WHRN: variants seen among roughly 807,000 people sequenced by gnomAD.
WHRN encodes the protein CASK-interacting protein CIP98.
A neutral mutation model predicts 68.3 loss-of-function variants in WHRN; 41 were observed. That is an observed-to-expected ratio of 0.60 (90% CI 0.47 to 0.78). The LOEUF is 0.78. WHRN is among the 30% of genes least tolerant of loss of function. WHRN has a pLI of 0.00. For synonymous variants in WHRN, 560 were observed against 561.3 expected (o/e 1.00, Z 0.03); for missense variants, 1,243 against 1,244.7 (o/e 1.00, Z 0.02).
intron 3 of WHRN, among the ~76,000 whole-genome samples, chr9:114,431,810 C>T (rs1424535348): frequency 6.6e-6 from 1 of 152,170 alleles, no homozygotes; most frequent in Admixed American, 6.5e-5. Flanking sequence ...TCCAAGGCGT[C>T]TCTTATAGAT....
intron 7 of WHRN, among the ~76,000 whole-genome samples, chr9:114,415,822 G>A (rs1589085288): frequency 6.6e-6 from 1 of 152,150 alleles, no homozygotes; most frequent in East Asian, 1.9e-4. Context: ...GATGGAGAAC[G>A]ATTCTCTAAA....
At chr9:114,447,615 C>T (rs1419152022) in intron 3 of WHRN, among the ~76,000 whole-genome samples, 1 of 152,074 alleles carries the variant, frequency 6.6e-6, no homozygotes, top group Non-Finnish European at 1.5e-5. Flanking sequence ...GTCCATGGAC[C>T]AACTGTGCTG....
chr9:114,424,916 C>T, intron 5 of WHRN, 72 bp downstream of exon 5: 1 of 1,533,858 alleles, frequency 6.5e-7, no homozygotes, highest in Non-Finnish European at 9.0e-7. Flanking sequence ...ACTCGGCACC[C>T]TCTGGCTGGC....
At chr9:114,483,180 T>G (rs900995266) in intron 1 of WHRN, among the ~76,000 whole-genome samples, 4 of 152,210 alleles carry the variant, frequency 2.6e-5, no homozygotes, top group Non-Finnish European at 5.9e-5. Context: ...CCTCTACTGC[T>G]TTTTTATATT....
chr9:114,472,894 T>C (rs1219272350), intron 2 of WHRN, among the ~76,000 whole-genome samples: 4 of 152,218 alleles, frequency 2.6e-5, no homozygotes, highest in Non-Finnish European at 5.9e-5. Flanking sequence ...CCTCCAATCA[T>C]GGATGCGGAA....
Position 114,406,501 on chromosome 9 carries a change from G to A in WHRN, c.2090C>T (p.Thr697Ile), listed in dbSNP as rs1243128219. ...PHLKSPSAEA[T>I]VAGGCLLPPS... ...GGGCAGAAGGCAGCCCCCAGCCACT[G>A]TGGCCTCTGCAGAGGGGCTTTTCAG... Residue 697 changes from threonine to isoleucine, a missense_variant, in exon 9 of 12, where the codon ACA becomes ATA. Thr to Ile is a moderately conservative substitution (Grantham distance 89, BLOSUM62 -1). Coordinates refer to ENST00000362057, the MANE Select transcript of WHRN (RefSeq NM_015404.4). The A allele has an allele frequency of 1.9e-6, 3 of 1,614,046 alleles. No homozygotes were observed. Among genetic ancestry groups the A allele is most frequent in the East Asian group, 4.5e-5 (2 of 44,894 alleles).
At chr9:114,473,307 G>C (rs10982237) in intron 2 of WHRN, among the ~76,000 whole-genome samples, 13,127 of 152,254 alleles carry the variant, frequency 0.086, 853 homozygotes, top group East Asian at 0.34. Flanking sequence ...TGCTGACCAA[G>C]ATGACTGGTG....
chr9:114,461,045 C>T (rs1417166425), intron 3 of WHRN, among the ~76,000 whole-genome samples: 1 of 152,066 alleles, frequency 6.6e-6, no homozygotes, highest in Non-Finnish European at 1.5e-5. Flanking sequence ...TGCTTTACTG[C>T]GGAGGGGATT....
At chr9:114,458,719 T>C (rs1187365233) in intron 3 of WHRN, among the ~76,000 whole-genome samples, 1 of 151,998 alleles carries the variant, frequency 6.6e-6, no homozygotes, top group Non-Finnish European at 1.5e-5. Flanking sequence ...AGCACCTAGA[T>C]CTGTGTCTGC....
At chr9:114,486,932 GTGTGTGTGT>G (rs1220745107) in intron 1 of WHRN, among the ~76,000 whole-genome samples, 12 of 64,094 alleles carry the variant, frequency 1.9e-4, no homozygotes, top group African/African-American at 4.9e-4. Flanking sequence ...TGTAGAGTGT[GTGTGTGTGT>G]TGTGTGTGTG....
intron 6 of WHRN, among the ~76,000 whole-genome samples, chr9:114,423,976 C>T (rs1836558455): frequency 2.6e-5 from 4 of 152,218 alleles, no homozygotes; most frequent in Admixed American, 2.6e-4. Context: ...TGGCACAGCA[C>T]AGTCACCTGG....
intron 7 of WHRN, among the ~76,000 whole-genome samples, chr9:114,421,581 T>C (rs914589607): frequency 1.3e-5 from 2 of 152,212 alleles, no homozygotes; most frequent in African/African-American, 2.4e-5. Flanking sequence ...GGGACCACTG[T>C]AGAAGCACAG....
intron 1 of WHRN, among the ~76,000 whole-genome samples, chr9:114,486,832 A>G (rs865867253): frequency 3.1e-4 from 47 of 149,460 alleles, no homozygotes; most frequent in East Asian, 1.2e-3. Flanking sequence ...AAAAAAAAAA[A>G]AGAGAGAAAT....
intron 2 of WHRN, 72 bp downstream of exon 2, chr9:114,478,481 G>A (rs751988304): frequency 5.8e-6 from 9 of 1,546,668 alleles, no homozygotes; most frequent in Admixed American, 1.7e-5. Flanking sequence ...CCTCCAAGCA[G>A]CTCTGCTGTT....
At chr9:114,453,351 C>G (rs1839502829) in intron 3 of WHRN, among the ~76,000 whole-genome samples, 2 of 152,314 alleles carry the variant, frequency 1.3e-5, no homozygotes, top group East Asian at 3.9e-4. Context: ...GAAGGGTCCA[C>G]CCCTGTGACC....
At chr9:114,464,309 C>A (rs1840483985) in intron 3 of WHRN, among the ~76,000 whole-genome samples, 2 of 152,186 alleles carry the variant, frequency 1.3e-5, no homozygotes, top group South Asian at 4.1e-4. Flanking sequence ...GCTGCTATAA[C>A]AAAGTACCAC....
intron 2 of WHRN, among the ~76,000 whole-genome samples, chr9:114,477,792 T>C (rs564309103): frequency 6.6e-6 from 1 of 152,294 alleles, no homozygotes; most frequent in Non-Finnish European, 1.5e-5. Flanking sequence ...CTGGTTTCTG[T>C]TACTTATGCC....
chr9:114,487,520 C>G (rs1842645300), intron 1 of WHRN, among the ~76,000 whole-genome samples: 1 of 152,150 alleles, frequency 6.6e-6, no homozygotes, highest in Non-Finnish European at 1.5e-5. Flanking sequence ...AGGGACTCAC[C>G]ACTACCGAAT....
At chr9:114,425,882 CTCTT>C (rs1179495325) in intron 4 of WHRN, 2 of 403,632 alleles carry the variant, frequency 5.0e-6, no homozygotes, top group African/African-American at 2.0e-5. Flanking sequence ...CTCCCTCCCT[CTCTT>C]TCATCTGCAC....
Sources: allele counts gnomAD v4.1 joint callset (sites outside exome capture counted in the v4.1 genomes callset), GRCh38; gene constraint gnomAD v4.1.1; transcripts MANE v1.5; gene names NCBI Gene and HGNC (gene_info 2026-07-23, HGNC 2026-07-21).